SDK2: variants seen among roughly 807,000 people sequenced by gnomAD.
SDK2 encodes the protein protein sidekick-2.
A neutral mutation model predicts 253.9 loss-of-function variants in SDK2; 105 were observed. The observed-to-expected ratio is 0.41, with a 90% confidence interval of 0.35 to 0.49. The LOEUF is 0.49. Ranked by LOEUF, SDK2 falls within the 20% of genes least tolerant of loss-of-function variation. SDK2 has a pLI of 0.06. For missense variants in SDK2, 2,608 were observed against 3,003.0 expected (o/e 0.87, Z 3.07); for synonymous variants, 1,249 against 1,234.9 (o/e 1.01, Z -0.24).
chr17:73,548,385 C>T (rs1036469431), intron 1 of SDK2, among the ~76,000 whole-genome samples: 2 of 152,360 alleles, frequency 1.3e-5, no homozygotes, highest in Admixed American at 6.5e-5. Flanking sequence ...CCTATCCCCC[C>T]TGCCCCCGAG....
Position 73,395,413 on chromosome 17 carries a change from C to T in SDK2, c.3355-21G>A, listed in dbSNP as rs975093609. ...AGAGGCTGCAGCGGGGCAGGGGTGG[C>T]AAAGCTGCTATGAGCCAGGCCCCCC... On this transcript the variant is annotated intron_variant, in intron 24 of 44. Transcript: ENST00000392650. The surrounding 1 kb of genome is among the most constrained non-coding windows in gnomAD (Gnocchi z 4.3). 6 of 1,601,548 alleles carry T rather than the reference C, an allele frequency of 3.7e-6. No individual in the cohort carries two copies. In the East Asian group the frequency reaches 1.3e-4, roughly 36 times the overall value.
rs147446980 is a variant in SDK2, at chr17:73,369,603, C to T, written c.4981-1010G>A. Among the ~76,000 whole-genome samples the T allele has an allele frequency of 8.5e-5, 13 of 152,318 alleles. No individual in the cohort carries two copies. The East Asian group carries it at 2.5e-3, about 29-fold the overall frequency. On this transcript the variant is annotated intron_variant, in intron 36 of 44. Coordinates refer to ENST00000392650, the MANE Select transcript of SDK2 (RefSeq NM_001144952.2). ...TACTTGGCCAGTTTCCTAAGGAACC[C>T]CGTGGCTGCAGAAGGCTTTAGGCCA... is the stretch of plus-strand genomic sequence containing the variant.
rs73349739 is a variant in SDK2 at position 73,489,716 on chromosome 17, C to T, written c.225-17498G>A. ...GTGTGCCTGCTGTTGGCAGCCCTGC[C>T]TGAAGGCCAGCATTGACCCTCTATA... On this transcript the variant is annotated intron_variant, in intron 2 of 44. Coordinates refer to ENST00000392650, the MANE Select transcript of SDK2 (RefSeq NM_001144952.2). Among the ~76,000 whole-genome samples the T allele has an allele frequency of 7.9e-3, 1,203 of 152,286 alleles. 15 individuals carry two copies. The highest frequency in any genetic ancestry group is 0.028 in the African/African-American group (1,146 of 41,552).
intron 4 of SDK2, among the ~76,000 whole-genome samples, chr17:73,450,474 G>A (rs12453471): frequency 0.3 from 46,079 of 151,760 alleles, 7,374 homozygotes; most frequent in South Asian, 0.37. Flanking sequence ...GGACCATGCC[G>A]GCCCAGCTCC....
chr17:73,367,891 T>C, intron 37 of SDK2, among the ~76,000 whole-genome samples: 1 of 152,182 alleles, frequency 6.6e-6, no homozygotes, highest in East Asian at 1.9e-4. Flanking sequence ...CACTCCTGCC[T>C]CACTCTTAGG....
chr17:73,628,187 G>A (rs907431868), intron 1 of SDK2, among the ~76,000 whole-genome samples: 1 of 152,274 alleles, frequency 6.6e-6, no homozygotes, highest in African/African-American at 2.4e-5. Context: ...TTACAGGCCA[G>A]CCTGAGAATA....
In SDK2 at chr17:73,354,665, G is replaced by A. The variant is rs1441264762; in HGVS notation, c.5594-2028C>T. 2.0e-5 allele frequency among the ~76,000 whole-genome samples: 3 copies of A among 152,312 alleles called. No homozygotes were observed. In the East Asian group the frequency reaches 5.8e-4, roughly 29 times the overall value. ...CTCTCTGTCTGGCCTGCTCCAGGGA[G>A]GTCACCCAGTGGCCAACAGTGGGTC... On this transcript the variant is annotated intron_variant, in intron 40 of 44. Transcript: ENST00000392650.
At chr17:73,487,490 G>A (rs116858266) in intron 2 of SDK2, among the ~76,000 whole-genome samples, 3,236 of 152,318 alleles carry the variant, frequency 0.021, 54 homozygotes, top group Middle Eastern at 0.054. Flanking sequence ...CAGATGGGGC[G>A]GGAGGGCCAG....
At chr17:73,454,876 G>A (rs12150571) in intron 4 of SDK2, among the ~76,000 whole-genome samples, 123,276 of 151,922 alleles carry the variant, frequency 0.81, 50,907 homozygotes, top group Non-Finnish European at 0.89. Flanking sequence ...GCTAATTTTT[G>A]TATTTTTAGT....
In SDK2 at chr17:73,401,992, C is replaced by A; in HGVS notation, c.2634G>T (p.Gly878=). The A allele has an allele frequency of 6.2e-7, 1 of 1,613,614 alleles. No homozygotes were observed. Among genetic ancestry groups the A allele is most frequent in the Non-Finnish European group, 8.5e-7 (1 of 1,179,774 alleles). Residue 878 remains glycine, a synonymous_variant, in exon 19 of 45, where the codon GGG becomes GGT. Transcript: ENST00000392650. ...GCTGCGGGGTGCTGCGTGGCCCGTC[C>A]CCGGGGGTGGTGAAACACAGCACTG... The part of the protein sequence containing the change: ...FTSVLCFTTP[G]DGPRSTPQLV...
At chr17:73,546,372 C>T (rs1483898623) in intron 1 of SDK2, among the ~76,000 whole-genome samples, 4 of 152,224 alleles carry the variant, frequency 2.6e-5, no homozygotes, top group East Asian at 1.9e-4. Context: ...TGAAATGATA[C>T]CTGGGCCAGC....
intron 2 of SDK2, among the ~76,000 whole-genome samples, chr17:73,482,503 C>T (rs549698027): frequency 2.6e-5 from 4 of 152,342 alleles, no homozygotes; most frequent in East Asian, 1.9e-4. Flanking sequence ...CGTGAGGCTC[C>T]GATTGATCCC....
chr17:73,603,770 T>G (rs143250934), intron 1 of SDK2, among the ~76,000 whole-genome samples: 6 of 152,190 alleles, frequency 3.9e-5, no homozygotes, highest in Admixed American at 3.3e-4. Context: ...TCACACAGCT[T>G]GTGGGTGGCA....
At chr17:73,571,193 C>T (rs554802501) in intron 1 of SDK2, among the ~76,000 whole-genome samples, 5 of 152,188 alleles carry the variant, frequency 3.3e-5, no homozygotes, top group African/African-American at 4.8e-5. Context: ...CTCAGCTTCC[C>T]GAGTAACTGG....
intron 3 of SDK2, among the ~76,000 whole-genome samples, chr17:73,462,047 A>G (rs1000927605): frequency 7.9e-5 from 12 of 151,304 alleles, no homozygotes; most frequent in South Asian, 4.2e-4. Context: ...GATGTGATAG[A>G]TGGTTGCTTA....
chr17:73,461,533 C>G (rs1396252497), intron 3 of SDK2, among the ~76,000 whole-genome samples: 1 of 151,950 alleles, frequency 6.6e-6, no homozygotes, highest in Non-Finnish European at 1.5e-5. Flanking sequence ...AGGGGAAGTA[C>G]GTGAAGGCTC....
intron 39 of SDK2, among the ~76,000 whole-genome samples, chr17:73,359,482 CCTCAGGACCCTGTA>C (rs1241127684): frequency 6.6e-6 from 1 of 152,138 alleles, no homozygotes; most frequent in Non-Finnish European, 1.5e-5. Flanking sequence ...GGCAGGCAGC[CCTCAGGACCCTGTA>C]CTCATCCTGC....
chr17:73,425,185 A>C (rs902623597), intron 12 of SDK2, among the ~76,000 whole-genome samples: 5 of 152,078 alleles, frequency 3.3e-5, no homozygotes, highest in African/African-American at 7.2e-5. Flanking sequence ...GTGCCACTGC[A>C]CTCCAGCCTG....
chr17:73,393,106 G>A (rs2062941376), intron 27 of SDK2, among the ~76,000 whole-genome samples: 1 of 151,888 alleles, frequency 6.6e-6, no homozygotes, highest in South Asian at 2.1e-4. Flanking sequence ...TCAGCTGGGT[G>A]TGGTGGCCAG....
Sources: allele counts gnomAD v4.1 joint callset (sites outside exome capture counted in the v4.1 genomes callset), GRCh38; gene constraint gnomAD v4.1.1; non-coding constraint Gnocchi (gnomAD v3.1); transcripts MANE v1.5; gene names NCBI Gene and HGNC (gene_info 2026-07-23, HGNC 2026-07-21).